Variants in CCDC125 observed in about 807,000 individuals in gnomAD.
CCDC125 encodes coiled-coil domain-containing protein 125.
Under a neutral mutation model 57.4 loss-of-function variants are expected in CCDC125, and 43 were observed. The observed-to-expected ratio is 0.75, with a 90% CI of 0.59 to 0.97. CCDC125 has a LOEUF of 0.97. Among genes scored for constraint, CCDC125 ranks in the 50% least tolerant of loss-of-function variants. CCDC125 has a pLI of 0.00. For synonymous variants in CCDC125, 187 were observed against 195.2 expected (o/e 0.96, Z 0.35); for missense variants, 563 against 595.7 (o/e 0.95, Z 0.57).
At chr5:69,276,984 T>C (rs918588197), downstream of CCDC125, 23 of 829,244 alleles carry the variant, frequency 2.8e-5, no homozygotes, top group Non-Finnish European at 4.4e-5. Context: ...CAAGTGCTAC[T>C]GGAAAAAATG....
Position 69,320,196 on chromosome 5 carries a change from T to C in CCDC125, c.304+41A>G, listed in dbSNP as rs200047725. ...TGGAAGGGTTATAGCTTTGATACTA[T>C]GCACAGGAGAAAGAAAGGAGAGGAA... is the stretch of plus-strand genomic sequence containing the variant. On this transcript the variant is annotated intron_variant, in intron 2 of 11. Transcript: ENST00000396496. The C allele has an allele frequency of 7.9e-6, 12 of 1,511,284 alleles. No individual in the cohort carries two copies. In the East Asian group the frequency reaches 1.6e-4, roughly 20 times the overall value. 93.6% of individuals were successfully genotyped at this position (1,511,284 alleles called of 1,614,324 possible).
the CCDC125 span, among the ~76,000 whole-genome samples, chr5:69,274,346 C>T: frequency 6.6e-6 from 1 of 152,098 alleles, no homozygotes; most frequent in East Asian, 1.9e-4. Flanking sequence ...TTTAAAAATG[C>T]AGCTGTAGGC....
intron 3 of CCDC125, among the ~76,000 whole-genome samples, chr5:69,312,808 T>G (rs887574595): frequency 6.6e-6 from 1 of 152,162 alleles, no homozygotes; most frequent in African/African-American, 2.4e-5. Flanking sequence ...CCACACAGAT[T>G]TGGTACCATT....
At chr5:69,329,810 A>AT (rs1346386009) in intron 1 of CCDC125, among the ~76,000 whole-genome samples, 2 of 151,946 alleles carry the variant, frequency 1.3e-5, no homozygotes, top group African/African-American at 2.4e-5. Flanking sequence ...GCTCGGATGT[A>AT]TTTTTTTCTA....
chr5:69,306,802 G>T lies in CCDC125; in HGVS notation c.617+15C>A, dbSNP rs747536262. ...TAAAGGTTGTCAAAGAAAAATAATGGAGTAATATACAAACCTGTCATATTT... is the reference window on the plus strand; with the variant it reads ...TAAAGGTTGTCAAAGAAAAATAATGTAGTAATATACAAACCTGTCATATTT... On this transcript the variant is annotated intron_variant, in intron 6 of 11. Transcript: ENST00000396496. 7.2e-7 allele frequency: 1 copy of T among 1,397,738 alleles called. No individual in the cohort carries two copies. The allele number at this position is 1,397,738 out of a possible 1,614,324, so 86.6% of individuals were successfully genotyped here. A position where few individuals can be genotyped will look rare whatever the true frequency, so the allele number is the denominator to read the frequency against.
chr5:69,283,395 AT>A (rs1376320797), intron 11 of CCDC125, among the ~76,000 whole-genome samples: 2 of 151,160 alleles, frequency 1.3e-5, no homozygotes, highest in African/African-American at 2.4e-5. Flanking sequence ...AATTTTTTGC[AT>A]TTTTTAGTAG....
At chr5:69,313,616 A>G (rs1018446834) in intron 3 of CCDC125, 4 of 731,846 alleles carry the variant, frequency 5.5e-6, no homozygotes, top group African/African-American at 1.7e-5. Context: ...AGGTTGCGTC[A>G]TAGAGGGCGT....
At chr5:69,295,029 A>G (rs1387296719) in intron 8 of CCDC125, 129 bp from the exon 9 acceptor site, 3 of 609,146 alleles carry the variant, frequency 4.9e-6, no homozygotes, top group Non-Finnish European at 8.4e-6. Flanking sequence ...AAAACTGGAA[A>G]GGAAAAACAA....
chr5:69,312,000 G>T (rs555872029), intron 3 of CCDC125, among the ~76,000 whole-genome samples: 8 of 152,282 alleles, frequency 5.3e-5, no homozygotes, highest in African/African-American at 1.7e-4. Context: ...CTCCCAAAGT[G>T]CTGGGATTAC....
At chr5:69,279,483 A>C (rs1752367956), downstream of CCDC125, among the ~76,000 whole-genome samples, 1 of 152,170 alleles carries the variant, frequency 6.6e-6, no homozygotes, top group Admixed American at 6.5e-5. Context: ...GGCGTGAGCC[A>C]CCGTGCCCGG....
intron 6 of CCDC125, among the ~76,000 whole-genome samples, chr5:69,304,282 T>C (rs1756974481): frequency 1.3e-5 from 2 of 151,850 alleles, no homozygotes; most frequent in African/African-American, 4.8e-5. Context: ...TTTTTGTATT[T>C]TTAGTAGAAA....
intron 10 of CCDC125, among the ~76,000 whole-genome samples, chr5:69,289,646 G>C (rs919772282): frequency 6.6e-6 from 1 of 152,146 alleles, no homozygotes; most frequent in Non-Finnish European, 1.5e-5. Context: ...AGGACCGCTT[G>C]AGCCCAGGAG....
At chr5:69,304,837 T>C (rs916027363) in intron 6 of CCDC125, among the ~76,000 whole-genome samples, 9 of 152,190 alleles carry the variant, frequency 5.9e-5, no homozygotes, top group African/African-American at 2.2e-4. Flanking sequence ...GAATTTCAAC[T>C]ATATGCTTAG....
At chr5:69,279,198 GTTT>G (rs59136402), downstream of CCDC125, among the ~76,000 whole-genome samples, 8 of 119,206 alleles carry the variant, frequency 6.7e-5, no homozygotes, top group Non-Finnish European at 7.0e-5. Flanking sequence ...ATGCAGGTTT[GTTT>G]TTTTTTTTTT....
At chr5:69,286,356 C>G (rs952275979) in intron 10 of CCDC125, among the ~76,000 whole-genome samples, 1 of 150,300 alleles carries the variant, frequency 6.7e-6, no homozygotes, top group African/African-American at 2.4e-5. Flanking sequence ...CTCAGCCTCC[C>G]GAGTAGCTGG....
chr5:69,277,865 A>G (rs1424724850), downstream of CCDC125, among the ~76,000 whole-genome samples: 2 of 152,180 alleles, frequency 1.3e-5, no homozygotes, highest in African/African-American at 4.8e-5. Flanking sequence ...AACATTACAG[A>G]TAAAATTGAG....
intron 2 of CCDC125, among the ~76,000 whole-genome samples, chr5:69,314,280 C>A (rs1387347351): frequency 6.6e-6 from 1 of 151,998 alleles, no homozygotes; most frequent in Non-Finnish European, 1.5e-5. Flanking sequence ...GCCTGGCCAA[C>A]ATGGTAAAAC....
chr5:69,307,286 T>C (rs1757460144), intron 5 of CCDC125, among the ~76,000 whole-genome samples: 2 of 151,892 alleles, frequency 1.3e-5, no homozygotes, highest in Non-Finnish European at 2.9e-5. Flanking sequence ...GACATGACCA[T>C]CTAGGATGAT....
intron 3 of CCDC125, 193 bp downstream of exon 3, chr5:69,313,792 C>CAAGT: frequency 1.2e-6 from 1 of 800,790 alleles, no homozygotes; most frequent in Middle Eastern, 2.2e-4. Context: ...TCTTCAACTT[C>CAAGT]TCTGGTGTTG....
Sources: allele counts gnomAD v4.1 joint callset (sites outside exome capture counted in the v4.1 genomes callset), GRCh38; gene constraint gnomAD v4.1.1; transcripts MANE v1.5; gene names NCBI Gene and HGNC (gene_info 2026-07-23, HGNC 2026-07-21).